ODAD1: variants seen among roughly 807,000 people sequenced by gnomAD.
ODAD1 encodes the protein outer dynein arm docking complex subunit 1, also known as outer dynein arm-docking complex subunit 1.
A neutral mutation model predicts 67.2 loss-of-function variants in ODAD1; 49 were observed. The ratio of observed to expected loss-of-function variants is 0.73; its 90% CI spans 0.58 to 0.92. The LOEUF is 0.92. Among genes scored for constraint, ODAD1 ranks in the 40% least tolerant of loss-of-function variants. The pLI is 0.00. For missense variants in ODAD1, 897 were observed against 953.7 expected (o/e 0.94, Z 0.78); for synonymous variants, 345 against 393.7 (o/e 0.88, Z 1.46).
At chr19:48,309,061 C>T (rs896054046) in intron 7 of ODAD1, among the ~76,000 whole-genome samples, 2 of 152,110 alleles carry the variant, frequency 1.3e-5, no homozygotes, top group African/African-American at 4.8e-5. Context: ...GTACCCTGAA[C>T]GGCCCAGGAA....
chr19:48,317,228 T>C (rs569841711), intron 5 of ODAD1, among the ~76,000 whole-genome samples: 2 of 150,382 alleles, frequency 1.3e-5, no homozygotes, highest in Non-Finnish European at 2.9e-5. Context: ...ATATATATAT[T>C]ATTTGCTGAA....
At chr19:48,320,426 C>A (rs974901584) in intron 2 of ODAD1, 35 bp from the exon 3 acceptor site, 4 of 1,185,376 alleles carry the variant, frequency 3.4e-6, no homozygotes, top group South Asian at 2.6e-5. Flanking sequence ...CTTCAGACAG[C>A]AGGCGGGCCA....
rs553259249 is a variant in ODAD1 at position 48,307,926 on chromosome 19, G to A, written c.598-1603C>T. Reference sequence around the variant, plus strand: ...AAAAATGGCCAACCCCAGGGATGGGGCAGAACAAGGTCCAGATTACCCAGA... The same window carrying A: ...AAAAATGGCCAACCCCAGGGATGGGACAGAACAAGGTCCAGATTACCCAGA... On this transcript the variant is annotated intron_variant, in intron 7 of 15. Transcript: ENST00000674294. Among the ~76,000 whole-genome samples, 58 of 152,182 alleles carry A rather than the reference G, an allele frequency of 3.8e-4. No homozygotes were observed. In the Middle Eastern group the frequency reaches 0.017, roughly 45 times the overall value.
intron 9 of ODAD1, 74 bp from the exon 10 acceptor site, chr19:48,303,858 C>A (rs1228577709): frequency 2.5e-6 from 4 of 1,573,470 alleles, no homozygotes; most frequent in Non-Finnish European, 3.5e-6. Context: ...TGAGGGGGAG[C>A]GAAGTGTGGT....
Position 48,303,791 on chromosome 19 carries a change from G to C in ODAD1, c.854-7C>G, listed in dbSNP as rs768968498. ...CCCTCGGCCACCTCCCCGGCTAGGGGAAGAGAGAACAGCAGGTCGGCCTCC... is the reference window on the plus strand; with the variant it reads ...CCCTCGGCCACCTCCCCGGCTAGGGCAAGAGAGAACAGCAGGTCGGCCTCC... On this transcript the variant is annotated splice_polypyrimidine_tract_variant and splice_region_variant and intron_variant, in intron 9 of 15. Transcript: ENST00000674294. The C allele has an allele frequency of 6.2e-7, 1 of 1,604,208 alleles. No homozygotes were observed. The highest frequency in any genetic ancestry group is 1.1e-5 in the South Asian group (1 of 89,410).
intron 4 of ODAD1, 62 bp downstream of exon 4, chr19:48,318,651 G>T: frequency 2.0e-6 from 3 of 1,535,024 alleles, no homozygotes; most frequent in Non-Finnish European, 1.8e-6. Context: ...GGACCCAGGA[G>T]TCCAGTCTTC....
intron 11 of ODAD1, 49 bp from the exon 12 acceptor site, chr19:48,302,911 G>A (rs375985392): frequency 1.2e-6 from 2 of 1,612,420 alleles, no homozygotes; most frequent in African/African-American, 2.7e-5. Context: ...CTCGGGAGTT[G>A]GGGGTGTGGA....
intron 12 of ODAD1, among the ~76,000 whole-genome samples, chr19:48,300,049 G>A (rs139620437): frequency 5.0e-4 from 76 of 150,980 alleles, no homozygotes; most frequent in African/African-American, 1.8e-3. Context: ...TCATGCATAT[G>A]TAATCCCAGC....
At chr19:48,306,401 T>C (rs1326263841) in intron 7 of ODAD1, 78 bp from the exon 8 acceptor site, 1 of 1,256,180 alleles carries the variant, frequency 8.0e-7, no homozygotes, top group African/African-American at 1.5e-5. Context: ...GGCCCCGTGC[T>C]TCTCCAATAA....
In ODAD1 at chr19:48,297,995, C is replaced by T. The variant is rs201133219; in HGVS notation, c.1502+5G>A. ...CCTCTGCGTCCCTCCTGCCCTGCGC[C>T]TCACAGAGTGTCAGGGGGCTGAAGT... On this transcript the variant is annotated splice_donor_5th_base_variant and intron_variant, in intron 14 of 15. Transcript: ENST00000674294. 1.1e-4 allele frequency: 173 copies of T among 1,610,932 alleles called. No homozygotes were observed. Among genetic ancestry groups the T allele is most frequent in the Non-Finnish European group, 1.3e-4 (152 of 1,178,100 alleles).
Position 48,305,992 on chromosome 19 carries a change from G to A in ODAD1, c.665+264C>T, listed in dbSNP as rs545411086. Among the ~76,000 whole-genome samples the A allele has an allele frequency of 2.0e-5, 3 of 152,184 alleles. No individual in the cohort carries two copies. The South Asian group carries it at 6.2e-4, about 32-fold the overall frequency. On this transcript the variant is annotated intron_variant, in intron 8 of 15. Transcript: ENST00000674294. ...GAGAATTGTTTGAACCTGGGAGGTA[G>A]AGGTTGCAGTGAGCCAAGATAGCGC...
At chr19:48,299,868 G>A (rs1968412792) in intron 12 of ODAD1, among the ~76,000 whole-genome samples, 1 of 148,876 alleles carries the variant, frequency 6.7e-6, no homozygotes, top group African/African-American at 2.5e-5. Flanking sequence ...CCCACAGAAG[G>A]GATTAAAAAA....
intron 5 of ODAD1, among the ~76,000 whole-genome samples, chr19:48,312,420 T>TG (rs1968788836): frequency 2.1e-5 from 3 of 141,862 alleles, no homozygotes; most frequent in East Asian, 2.1e-4. Context: ...TTGTTTTTTT[T>TG]TTTTTTTTTT....
At chr19:48,314,139 A>C (rs908421119) in intron 5 of ODAD1, among the ~76,000 whole-genome samples, 6 of 152,194 alleles carry the variant, frequency 3.9e-5, no homozygotes, top group Non-Finnish European at 8.8e-5. Context: ...GCTACTTGGG[A>C]GGCTGAGGCA....
In ODAD1 at chr19:48,296,657, A is replaced by ATCC; in HGVS notation, c.*316_*318dup. On this transcript the variant is annotated 3_prime_UTR_variant, in exon 16 of 16. Transcript: ENST00000674294. ...GAGAGCCGGAAACAGGAGGTGGGGG[A>ATCC]TCCACAGGGGGCCAGGGCTCAGCAG... The ATCC allele has an allele frequency of 4.8e-6, 3 of 630,014 alleles. No individual in the cohort carries two copies. Among genetic ancestry groups the ATCC allele is most frequent in the Non-Finnish European group, 6.5e-6 (3 of 461,168 alleles). 39.0% of individuals were successfully genotyped at this position (630,014 alleles called of 1,614,324 possible).
chr19:48,297,344 T>C lies in ODAD1; in HGVS notation c.1756A>G (p.Lys586Glu), dbSNP rs1968321304. The C allele has an allele frequency of 1.2e-6, 2 of 1,612,192 alleles. No homozygotes were observed. Among genetic ancestry groups the C allele is most frequent in the Non-Finnish European group, 1.7e-6 (2 of 1,179,960 alleles). Residue 586 changes from lysine (K) to glutamate (E), a missense_variant, in exon 16 of 16, where the codon AAG becomes GAG. Physicochemically the swap from Lys to Glu is moderately conservative, Grantham distance 56. Transcript: ENST00000674294. ...AGAGAGCCACGGTCTCTGCTAGTCTTGTGGCTCAAAATGGACCCGGGGATG... is the reference window on the plus strand; with the variant it reads ...AGAGAGCCACGGTCTCTGCTAGTCTCGTGGCTCAAAATGGACCCGGGGATG... ...HAIPGSILSH[K>E]TSRDRGSLGH... is the part of the protein sequence containing the mutation.
chr19:48,313,354 G>A (rs1479820218), intron 5 of ODAD1, among the ~76,000 whole-genome samples: 1 of 150,128 alleles, frequency 6.7e-6, no homozygotes, highest in African/African-American at 2.5e-5. Context: ...CTTGAACCCA[G>A]GAGGAGAGGT....
intron 5 of ODAD1, among the ~76,000 whole-genome samples, chr19:48,315,702 C>A (rs1235780216): frequency 6.6e-6 from 1 of 152,058 alleles, no homozygotes; most frequent in Non-Finnish European, 1.5e-5. Context: ...TGTTTTCTGT[C>A]ACTATAGATT....
chr19:48,320,227 C>T, intron 3 of ODAD1, 72 bp downstream of exon 3: 4 of 1,030,596 alleles, frequency 3.9e-6, no homozygotes, highest in Non-Finnish European at 3.9e-6. Flanking sequence ...TCCCTCCCTA[C>T]AGGACCTGGA....
Sources: gnomAD v4.1 joint callset for allele counts (sites outside exome capture counted in the v4.1 genomes callset) on GRCh38, gnomAD v4.1.1 for gene constraint, MANE v1.5 for transcripts, NCBI Gene and HGNC (gene_info 2026-07-23, HGNC 2026-07-21) for gene names.